CTH: variants seen among roughly 807,000 people sequenced by gnomAD.
The protein encoded by CTH is cystathionase (cystathionine gamma-lyase).
CTH carries 41 observed loss-of-function variants against 50.6 expected under a neutral mutation model. That is an observed-to-expected ratio of 0.81 (90% CI 0.63 to 1.05). CTH has a LOEUF of 1.05. Ranked by LOEUF, CTH falls within the 50% of genes least tolerant of loss-of-function variation. The pLI is 0.00. For missense variants in CTH, 470 were observed against 492.6 expected, an observed-to-expected ratio of 0.95 and a Z score of 0.43; for synonymous variants, 156 against 168.9, an observed-to-expected ratio of 0.92 and a Z score of 0.59.
chr1:70,426,588 C>G (rs1572263218), intron 5 of CTH, among the ~76,000 whole-genome samples: 1 of 152,166 alleles, frequency 6.6e-6, no homozygotes, highest in Non-Finnish European at 1.5e-5. Context: ...ATTTTCCTTT[C>G]CTGAAGCACA....
At chr1:70,438,566 G>T in intron 10 of CTH, 122 bp from the exon 11 acceptor site, 7 of 1,005,218 alleles carry the variant, frequency 7.0e-6, no homozygotes, top group Admixed American at 3.6e-5. Context: ...TGAATTATAG[G>T]GGTATGCAAA....
At chr1:70,415,741 C>T (rs1684076648) in intron 1 of CTH, among the ~76,000 whole-genome samples, 1 of 152,182 alleles carries the variant, frequency 6.6e-6, no homozygotes, top group Non-Finnish European at 1.5e-5. Context: ...TCATGCAGCT[C>T]ATAAGTGGCA....
At chr1:70,414,543 A>G (rs1193831629) in intron 1 of CTH, among the ~76,000 whole-genome samples, 1 of 152,192 alleles carries the variant, frequency 6.6e-6, no homozygotes, top group African/African-American at 2.4e-5. Flanking sequence ...GCACATAGCA[A>G]CAAAACTTTT....
chr1:70,422,175 C>T (rs959891344), intron 4 of CTH, among the ~76,000 whole-genome samples: 1 of 152,202 alleles, frequency 6.6e-6, no homozygotes, highest in African/African-American at 2.4e-5. Context: ...AACCCCCAAA[C>T]TCGAAGCACA....
intron 3 of CTH, among the ~76,000 whole-genome samples, chr1:70,420,702 C>T (rs4650048): frequency 0.091 from 13,901 of 152,012 alleles, 872 homozygotes; most frequent in East Asian, 0.3. Context: ...CACAATGTTT[C>T]GTATTTTATC....
intron 1 of CTH, among the ~76,000 whole-genome samples, chr1:70,413,259 CTTT>C (rs11295998): frequency 7.2e-6 from 1 of 139,188 alleles, no homozygotes; most frequent in Non-Finnish European, 1.6e-5. Context: ...TTCTTTCTTT[CTTT>C]TTTTTTTTTT....
At chr1:70,413,893 C>T (rs2101725961) in intron 1 of CTH, among the ~76,000 whole-genome samples, 1 of 151,588 alleles carries the variant, frequency 6.6e-6, no homozygotes, top group African/African-American at 2.4e-5. Context: ...AGCTGCCCGC[C>T]ACCATGCCCA....
At chr1:70,413,171 G>A (rs1054686269) in intron 1 of CTH, among the ~76,000 whole-genome samples, 9 of 151,896 alleles carry the variant, frequency 5.9e-5, no homozygotes, top group African/African-American at 1.9e-4. Flanking sequence ...GTGAGATACA[G>A]TTCTAAGGCC....
intron 3 of CTH, among the ~76,000 whole-genome samples, chr1:70,420,952 TTGAG>T: frequency 6.6e-6 from 1 of 152,180 alleles, no homozygotes; most frequent in Non-Finnish European, 1.5e-5. Context: ...GTTGTTGTTA[TTGAG>T]TATCAATATC....
chr1:70,434,447 C>T (rs1684549340), intron 9 of CTH, among the ~76,000 whole-genome samples: 1 of 152,190 alleles, frequency 6.6e-6, no homozygotes, highest in Admixed American at 6.5e-5. Context: ...TGAGCTCATG[C>T]AGTTTATATA....
chr1:70,421,419 C>G (rs1553126509), intron 3 of CTH, 147 bp from the exon 4 acceptor site: 1 of 810,752 alleles, frequency 1.2e-6, no homozygotes, highest in Non-Finnish European at 2.0e-6. Context: ...GATAGCCAAA[C>G]TATTTAACCA....
chr1:70,434,609 TC>T (rs1020099122), intron 9 of CTH, among the ~76,000 whole-genome samples: 1 of 151,946 alleles, frequency 6.6e-6, no homozygotes, highest in East Asian at 1.9e-4. Flanking sequence ...TTTTTTTTTT[TC>T]CCCTATTCCA....
chr1:70,414,712 G>C (rs528493324), intron 1 of CTH, among the ~76,000 whole-genome samples: 1 of 152,244 alleles, frequency 6.6e-6, no homozygotes, highest in African/African-American at 2.4e-5. Flanking sequence ...ACACTCCCTA[G>C]GTACTATTGC....
rs202074968 is a variant in CTH at position 70,438,791 on chromosome 1, C to A, written c.1156C>A (p.Leu386Ile). ...LSVGLEDEED[L>I]LEDLDQALKA... ...TGTGGGCTTAGAGGATGAGGAAGAC[C>A]TACTGGAAGATCTAGATCAAGCTTT... The change falls in exon 11 of 12, where the codon CTA (leucine) becomes ATA (isoleucine). Residue 386 changes from leucine (L) to isoleucine (I), a missense_variant. Leu to Ile is a conservative substitution (Grantham distance 5, BLOSUM62 2). Transcript: ENST00000370938. 1.9e-5 allele frequency: 30 copies of A among 1,613,260 alleles called. No individual in the cohort carries two copies. In the Admixed American group the frequency reaches 5.0e-4, roughly 27 times the overall value.
intron 10 of CTH, among the ~76,000 whole-genome samples, chr1:70,437,745 T>C (rs1684627985): frequency 6.6e-6 from 1 of 151,850 alleles, no homozygotes; most frequent in Admixed American, 6.6e-5. Flanking sequence ...ACAGCTGAGA[T>C]TTTTTTTTCC....
chr1:70,418,712 T>G (rs561378756), intron 3 of CTH, among the ~76,000 whole-genome samples: 19 of 152,330 alleles, frequency 1.2e-4, no homozygotes, highest in African/African-American at 2.6e-4. Flanking sequence ...CAACTCAGGT[T>G]ACTCTCAAGA....
chr1:70,420,037 G>A (rs1263209036), intron 3 of CTH, among the ~76,000 whole-genome samples: 2 of 149,182 alleles, frequency 1.3e-5, no homozygotes, highest in East Asian at 3.9e-4. Context: ...TCTGTTGCCA[G>A]GCTGGAGTGC....
intron 4 of CTH, among the ~76,000 whole-genome samples, chr1:70,422,321 T>C (rs1684243937): frequency 6.6e-6 from 1 of 152,200 alleles, no homozygotes; most frequent in Admixed American, 6.5e-5. Flanking sequence ...GTGAATGGCA[T>C]ATGTGATATT....
At position 70,411,340 on chromosome 1, in the gene CTH, C is replaced by T. The variant is rs1324075192; in HGVS notation, c.-76C>T. The T allele has an allele frequency of 3.3e-6, 5 of 1,504,866 alleles. No individual in the cohort carries two copies. The highest frequency in any genetic ancestry group is 1.7e-5 in the Admixed American group (1 of 59,896). The allele number at this position is 1,504,866 out of a possible 1,614,324, so 93.2% of individuals were successfully genotyped here. On this transcript the variant is annotated 5_prime_UTR_variant, in exon 1 of 12. Coordinates refer to ENST00000370938, the MANE Select transcript of CTH (RefSeq NM_001902.6). ...CTTCTCGCCTGATCCTTCTGTCTCT[C>T]CCAACCCCGGACACCCGGCTTCGAC...
Sources: gnomAD v4.1 joint callset for allele counts (sites outside exome capture counted in the v4.1 genomes callset) on GRCh38, gnomAD v4.1.1 for gene constraint, MANE v1.5 for transcripts, NCBI Gene and HGNC (gene_info 2026-07-23, HGNC 2026-07-21) for gene names.